PTPRM: variants seen among roughly 807,000 people sequenced by gnomAD.
The protein encoded by PTPRM is protein tyrosine phosphatase receptor type M.
Under a neutral mutation model 186.7 loss-of-function variants are expected in PTPRM, and 47 were observed. The observed-to-expected ratio is 0.25, with a 90% CI of 0.20 to 0.32. PTPRM has a LOEUF of 0.32. Ranked by LOEUF, PTPRM falls within the 10% of genes least tolerant of loss-of-function variation. The pLI is 1.00. For synonymous variants in PTPRM, 668 were observed against 674.9 expected (o/e 0.99, Z 0.16); for missense variants, 1,494 against 1,865.0 (o/e 0.80, Z 3.66).
intron 1 of PTPRM, among the ~76,000 whole-genome samples, chr18:7,773,689 G>A (rs1008969762): frequency 2.6e-5 from 4 of 151,596 alleles, no homozygotes; most frequent in South Asian, 2.1e-4. Context: ...GGGTTCAAGC[G>A]ATTCTCTCAG....
intron 19 of PTPRM, among the ~76,000 whole-genome samples, chr18:8,255,084 T>C (rs1233934961): frequency 6.6e-6 from 1 of 152,280 alleles, no homozygotes; most frequent in Non-Finnish European, 1.5e-5. Context: ...GCATATTTCC[T>C]CATGCACTTT....
chr18:7,797,744 A>C (rs553785038), intron 2 of PTPRM, among the ~76,000 whole-genome samples: 14 of 151,820 alleles, frequency 9.2e-5, no homozygotes, highest in African/African-American at 3.4e-4. Flanking sequence ...TTCCTAGAAG[A>C]TTGTCTTTTT....
At chr18:7,773,791 G>A (rs2042450647) in intron 1 of PTPRM, among the ~76,000 whole-genome samples, 1 of 152,042 alleles carries the variant, frequency 6.6e-6, no homozygotes, top group Non-Finnish European at 1.5e-5. Flanking sequence ...TGTTGGCCAG[G>A]CTGGCCTCGA....
chr18:7,882,623 A>G lies in PTPRM; in HGVS notation c.197-5483A>G, dbSNP rs150849099. On this transcript the variant is annotated intron_variant, in intron 2 of 32. Transcript: ENST00000580170. ...TTAAGAAGTTTAAAAAGTGAATTTT[A>G]TAATAGCTTTAAAGTTCATAAAATG... Among the ~76,000 whole-genome samples, 833 of 152,348 alleles carry G rather than the reference A, an allele frequency of 5.5e-3. 4 individuals are homozygous for G. The highest frequency in any genetic ancestry group is 0.027 in the Middle Eastern group (8 of 294).
intron 5 of PTPRM, among the ~76,000 whole-genome samples, chr18:7,930,415 C>T (rs1464617663): frequency 3.3e-5 from 5 of 152,082 alleles, no homozygotes; most frequent in Non-Finnish European, 7.4e-5. Context: ...TTTTGAGGCC[C>T]ACAATAGGTA....
chr18:7,779,278 T>C (rs899034239), intron 2 of PTPRM, among the ~76,000 whole-genome samples: 2 of 152,222 alleles, frequency 1.3e-5, no homozygotes, highest in Non-Finnish European at 2.9e-5. Context: ...TTTTTCCAGG[T>C]AGTATAGCAT....
At chr18:8,018,997 A>G (rs1215903358) in intron 7 of PTPRM, among the ~76,000 whole-genome samples, 5 of 152,326 alleles carry the variant, frequency 3.3e-5, no homozygotes, top group African/African-American at 1.2e-4. Context: ...ATCCAAAACC[A>G]GTATACCCAG....
chr18:7,619,376 C>T (rs895805702), intron 1 of PTPRM, among the ~76,000 whole-genome samples: 1 of 152,158 alleles, frequency 6.6e-6, no homozygotes, highest in East Asian at 1.9e-4. Context: ...ATTGACTGGG[C>T]TTTGTAAAGC....
chr18:7,899,297 CAT>C, intron 3 of PTPRM, among the ~76,000 whole-genome samples: 1 of 152,308 alleles, frequency 6.6e-6, no homozygotes, highest in South Asian at 2.1e-4. Flanking sequence ...CAGCTAGGAA[CAT>C]GTGTGTTGAG....
chr18:8,358,765 C>A (rs1257287853), intron 23 of PTPRM, among the ~76,000 whole-genome samples: 1 of 152,156 alleles, frequency 6.6e-6, no homozygotes, highest in African/African-American at 2.4e-5. Flanking sequence ...GTGAGCAGAA[C>A]CCCGAAAGGC....
chr18:8,253,237 C>T lies in PTPRM; in HGVS notation c.2577C>T (p.His859=). ...GCCTTCTTTTCCTAGATGAAACCCA[C>T]ACAATGGCCAGCGATACCAGCAGCC... The part of the protein sequence containing the change: ...AILVPINDET[H]TMASDTSSLV... The change falls in exon 19 of 33, where the codon CAC becomes CAT. Residue 859 remains histidine, a synonymous_variant. Transcript: ENST00000580170. The T allele has an allele frequency of 6.7e-7, 1 of 1,502,032 alleles. No individual in the cohort carries two copies. The highest frequency in any genetic ancestry group is 8.9e-7 in the Non-Finnish European group (1 of 1,121,102). The allele number at this position is 1,502,032 out of a possible 1,614,324, so 93.0% of individuals were successfully genotyped here. A position where few individuals can be genotyped will look rare whatever the true frequency, so the allele number is the denominator to read the frequency against.
chr18:8,125,859 A>T (rs1168282417), intron 13 of PTPRM, among the ~76,000 whole-genome samples: 1 of 151,250 alleles, frequency 6.6e-6, no homozygotes, highest in Non-Finnish European at 1.5e-5. Context: ...ATTTCTCTTT[A>T]AAAACTTTTT....
At chr18:7,603,217 C>T (rs565982341) in intron 1 of PTPRM, among the ~76,000 whole-genome samples, 155 of 152,210 alleles carry the variant, frequency 1.0e-3, no homozygotes, top group Non-Finnish European at 1.7e-3. Flanking sequence ...TGTGAGCCAC[C>T]GTGCCCGGCC....
intron 1 of PTPRM, among the ~76,000 whole-genome samples, chr18:7,767,254 A>G (rs1365635888): frequency 6.6e-6 from 1 of 152,220 alleles, no homozygotes; most frequent in Non-Finnish European, 1.5e-5. Flanking sequence ...AAATCAATTT[A>G]GTGGATCTAG....
At chr18:8,028,685 A>C (rs1204827021) in intron 7 of PTPRM, among the ~76,000 whole-genome samples, 1 of 152,200 alleles carries the variant, frequency 6.6e-6, no homozygotes, top group Non-Finnish European at 1.5e-5. Flanking sequence ...AATACTTACT[A>C]TATCAGACAC....
intron 1 of PTPRM, among the ~76,000 whole-genome samples, chr18:7,620,350 A>G (rs1055146787): frequency 1.3e-5 from 2 of 151,856 alleles, no homozygotes; most frequent in Admixed American, 1.3e-4. Context: ...GGGAATTCTC[A>G]ATTTTATGCT....
At chr18:7,776,480 TA>T (rs537992183) in intron 2 of PTPRM, among the ~76,000 whole-genome samples, 53 of 151,926 alleles carry the variant, frequency 3.5e-4, no homozygotes, top group African/African-American at 1.3e-3. Flanking sequence ...TGCCATAATA[TA>T]GAACTGAAAA....
At chr18:8,091,637 A>G (rs541109116) in intron 11 of PTPRM, among the ~76,000 whole-genome samples, 3 of 148,714 alleles carry the variant, frequency 2.0e-5, no homozygotes, top group Non-Finnish European at 4.5e-5. Flanking sequence ...CAAGGGATTC[A>G]TTATATAGGA....
intron 7 of PTPRM, among the ~76,000 whole-genome samples, chr18:8,026,885 A>G (rs1203128908): frequency 2.0e-5 from 3 of 152,140 alleles, no homozygotes; most frequent in Non-Finnish European, 4.4e-5. Context: ...AAAATAGAAC[A>G]AAGCTTGTCA....
Sources: gnomAD v4.1 joint callset for allele counts (sites outside exome capture counted in the v4.1 genomes callset) on GRCh38, gnomAD v4.1.1 for gene constraint, MANE v1.5 for transcripts, NCBI Gene and HGNC (gene_info 2026-07-23, HGNC 2026-07-21) for gene names.